NRXN3: variants seen among roughly 807,000 people sequenced by gnomAD.
NRXN3 encodes the protein neurexin III.
NRXN3 carries 32 observed loss-of-function variants against 137.6 expected under a neutral mutation model. The ratio of observed to expected loss-of-function variants is 0.23; its 90% CI spans 0.18 to 0.31. NRXN3 has a LOEUF of 0.31. Ranked by LOEUF, NRXN3 falls within the 10% of genes least tolerant of loss-of-function variation. The probability of loss-of-function intolerance (pLI) is 1.00; values close to 1 mark genes in which losing one functional copy is unlikely to be tolerated. For missense variants in NRXN3, 1,574 were observed against 2,062.5 expected (o/e 0.76, Z 4.59); for synonymous variants, 798 against 784.5 (o/e 1.02, Z -0.29).
intron 4 of NRXN3, among the ~76,000 whole-genome samples, chr14:78,455,227 C>G (rs997905492): frequency 2.0e-5 from 3 of 152,200 alleles, no homozygotes; most frequent in African/African-American, 7.2e-5. Flanking sequence ...CCCAGCCCTC[C>G]TTCTATACTT....
At chr14:79,709,265 C>CCTAT (rs1225937928) in intron 19 of NRXN3, among the ~76,000 whole-genome samples, 5 of 152,184 alleles carry the variant, frequency 3.3e-5, no homozygotes, top group South Asian at 2.1e-4. Context: ...TATCTGTTTA[C>CCTAT]CTATCTCTTC....
At chr14:79,636,523 C>T (rs1027928376) in intron 16 of NRXN3, among the ~76,000 whole-genome samples, 2 of 152,124 alleles carry the variant, frequency 1.3e-5, no homozygotes, top group Non-Finnish European at 2.9e-5. Flanking sequence ...AAATGAAGCC[C>T]AAGTACTTGC....
At chr14:79,025,477 G>A (rs992833689) in intron 15 of NRXN3, among the ~76,000 whole-genome samples, 13 of 152,038 alleles carry the variant, frequency 8.6e-5, no homozygotes, top group African/African-American at 2.9e-4. Flanking sequence ...GTGTTCCCCC[G>A]ATACCTTGTC....
At chr14:79,280,668 T>A in intron 15 of NRXN3, 8 of 976,404 alleles carry the variant, frequency 8.2e-6, no homozygotes, top group Non-Finnish European at 1.2e-5. Flanking sequence ...AAGCATCGTA[T>A]GTCCATGAGG....
chr14:79,141,012 A>G (rs1420736358), intron 15 of NRXN3, among the ~76,000 whole-genome samples: 2 of 152,218 alleles, frequency 1.3e-5, no homozygotes, highest in East Asian at 3.8e-4. Context: ...AAACACATTC[A>G]AGTAAGAGAA....
At chr14:78,985,570 A>G (rs916072865) in intron 14 of NRXN3, among the ~76,000 whole-genome samples, 13 of 152,194 alleles carry the variant, frequency 8.5e-5, no homozygotes, top group Admixed American at 3.3e-4. Flanking sequence ...GTTAGAGGGA[A>G]GGCGAAAGAT....
chr14:78,181,071 G>T (rs1045897450), intron 1 of NRXN3, among the ~76,000 whole-genome samples: 5 of 152,240 alleles, frequency 3.3e-5, no homozygotes, highest in Admixed American at 2.0e-4. Context: ...TGCAAAGCAG[G>T]TGTTGGGAGG....
chr14:78,721,347 C>T, intron 8 of NRXN3, among the ~76,000 whole-genome samples: 1 of 152,106 alleles, frequency 6.6e-6, no homozygotes, highest in East Asian at 1.9e-4. Context: ...AATGTCTGAC[C>T]TGGAGATGGA....
chr14:78,320,420 C>T (rs918291702), intron 4 of NRXN3, among the ~76,000 whole-genome samples: 10 of 152,244 alleles, frequency 6.6e-5, no homozygotes, highest in South Asian at 2.1e-4. Flanking sequence ...GCCTCTGGGT[C>T]GGGCTTGAGG....
intron 8 of NRXN3, among the ~76,000 whole-genome samples, chr14:78,803,297 A>T (rs112981868): frequency 6.6e-6 from 1 of 152,226 alleles, no homozygotes; most frequent in Non-Finnish European, 1.5e-5. Context: ...AAACAATACT[A>T]TTTGTGAGGG....
intron 15 of NRXN3, among the ~76,000 whole-genome samples, chr14:79,197,488 A>C (rs2065285680): frequency 6.6e-6 from 1 of 152,106 alleles, no homozygotes; most frequent in African/African-American, 2.4e-5. Context: ...TCTTGGTAGG[A>C]AGACTTTTGC....
intron 10 of NRXN3, among the ~76,000 whole-genome samples, chr14:78,839,053 A>G (rs2099004924): frequency 6.6e-6 from 1 of 152,164 alleles, no homozygotes; most frequent in Admixed American, 6.6e-5. Context: ...CATATAGCTT[A>G]ATTGTTAGTG....
chr14:79,728,295 A>G (rs566830536), intron 19 of NRXN3, among the ~76,000 whole-genome samples: 102 of 152,180 alleles, frequency 6.7e-4, no homozygotes, highest in Non-Finnish European at 1.1e-3. Context: ...CAGCCCAGGG[A>G]GAGTCTGCAG....
chr14:79,781,065 T>C (rs2099112371), intron 19 of NRXN3, among the ~76,000 whole-genome samples: 1 of 152,058 alleles, frequency 6.6e-6, no homozygotes, highest in Non-Finnish European at 1.5e-5. Context: ...AATAATTAAC[T>C]AAACCCTTAA....
At position 79,863,518 on chromosome 14, in the gene NRXN3, A is replaced by T. The variant is rs937053158; in HGVS notation, c.*1554A>T. Reference sequence around the variant, plus strand: ...ACAGTTAACTGTGTCAAAGAGAATTAAAAAAAAAAACTTCAGATTTTGTTT... The same window carrying T: ...ACAGTTAACTGTGTCAAAGAGAATTTAAAAAAAAAACTTCAGATTTTGTTT... On this transcript the variant is annotated 3_prime_UTR_variant, in exon 21 of 21. Coordinates refer to ENST00000335750, the MANE Select transcript of NRXN3 (RefSeq NM_001330195.2). The T allele has an allele frequency of 2.1e-5, 2 of 96,730 alleles. No individual in the cohort carries two copies. The highest frequency in any genetic ancestry group is 3.8e-5 in the Non-Finnish European group (2 of 52,392). The allele number at this position is 96,730 out of a possible 1,614,324, so 6.0% of individuals were successfully genotyped here.
At chr14:79,094,973 AGAGAGAGTGTGTGT>A (rs1202709295) in intron 15 of NRXN3, among the ~76,000 whole-genome samples, 18 of 94,774 alleles carry the variant, frequency 1.9e-4, no homozygotes, top group Admixed American at 3.2e-4. Context: ...AGAGAGAGAG[AGAGAGAGTGTGTGT>A]GTGTGTGTGT....
chr14:79,362,296 C>T (rs2093713099), intron 15 of NRXN3, among the ~76,000 whole-genome samples: 1 of 151,630 alleles, frequency 6.6e-6, no homozygotes, highest in African/African-American at 2.4e-5. Flanking sequence ...CTATCCCTCC[C>T]CTCTCCCCCC....
chr14:79,009,431 C>T (rs2099566604), intron 15 of NRXN3, among the ~76,000 whole-genome samples: 1 of 152,124 alleles, frequency 6.6e-6, no homozygotes, highest in Non-Finnish European at 1.5e-5. Flanking sequence ...GGTTGAGAGT[C>T]AGTGCGATGC....
At chr14:78,999,939 A>G (rs1178874880) in intron 15 of NRXN3, among the ~76,000 whole-genome samples, 1 of 152,188 alleles carries the variant, frequency 6.6e-6, no homozygotes, top group African/African-American at 2.4e-5. Flanking sequence ...CAAATCCCAC[A>G]GTTTTATGTT....
Sources: allele counts gnomAD v4.1 joint callset (sites outside exome capture counted in the v4.1 genomes callset), GRCh38; gene constraint gnomAD v4.1.1; transcripts MANE v1.5; gene names NCBI Gene and HGNC (gene_info 2026-07-23, HGNC 2026-07-21).